AGRN: variants seen among roughly 807,000 people sequenced by gnomAD.
The protein encoded by AGRN is agrin proteoglycan.
A neutral mutation model predicts 211.0 loss-of-function variants in AGRN; 106 were observed. The ratio of observed to expected loss-of-function variants is 0.50; its 90% CI spans 0.43 to 0.59. The LOEUF is 0.59. Ranked by LOEUF, AGRN falls within the 20% of genes least tolerant of loss-of-function variation. The pLI is 0.00. For missense variants in AGRN, 3,040 were observed against 2,982.6 expected (o/e 1.02, Z -0.45); for synonymous variants, 1,525 against 1,332.5 (o/e 1.14, Z -3.15).
chr1:1,047,247 C>G, intron 19 of AGRN, 80 bp from the exon 20 acceptor site: 1 of 1,528,556 alleles, frequency 6.5e-7, no homozygotes, highest in South Asian at 1.3e-5. Flanking sequence ...ACCCTTGTGG[C>G]TTGCTGCTGG....
intron 7 of AGRN, 58 bp downstream of exon 7, chr1:1,042,220 C>T (rs1346668194): frequency 3.3e-6 from 5 of 1,524,520 alleles, no homozygotes; most frequent in Middle Eastern, 1.8e-4. Context: ...CAGTCCCTGC[C>T]TGGACATCAC....
chr1:1,036,449 G>A (rs542476199), intron 3 of AGRN, among the ~76,000 whole-genome samples: 4 of 152,168 alleles, frequency 2.6e-5, no homozygotes, highest in East Asian at 1.9e-4. Flanking sequence ...CTGCTTCCTC[G>A]ACCGCCTGCC....
rs112285003 is a variant in AGRN at position 1,048,636 on chromosome 1, G to A, written c.4106-231G>A. 0.02 allele frequency: 11,890 copies of A among 606,968 alleles called. 997 individuals carry two copies. The highest frequency in any genetic ancestry group is 0.19 in the African/African-American group (10,135 of 52,540). 37.6% of individuals were successfully genotyped at this position (606,968 alleles called of 1,614,324 possible). On this transcript the variant is annotated intron_variant, in intron 23 of 35. Transcript: ENST00000379370. The surrounding 1 kb of genome is among the most constrained non-coding windows in gnomAD (Gnocchi z 5.9). The stretch of plus-strand genomic sequence containing the variant: ...AAATACAAAATTAGCCGGGCGTGGT[G>A]GTGGGCGCCTGTAATCCCACCTCGT...
chr1:1,024,372 C>G (rs547449399), intron 2 of AGRN, among the ~76,000 whole-genome samples: 1 of 152,014 alleles, frequency 6.6e-6, no homozygotes. Context: ...TTGAACCCCA[C>G]CCTGGGCCCT....
At chr1:1,036,213 G>C (rs1182751708) in intron 3 of AGRN, among the ~76,000 whole-genome samples, 1 of 152,218 alleles carries the variant, frequency 6.6e-6, no homozygotes, top group Non-Finnish European at 1.5e-5. Flanking sequence ...GCCCTGGGCT[G>C]GATAGATCGT....
At chr1:1,046,360 C>A (rs758812173) in intron 17 of AGRN, 37 bp from the exon 18 acceptor site, 1 of 1,603,420 alleles carries the variant, frequency 6.2e-7, no homozygotes, top group Admixed American at 1.7e-5. Flanking sequence ...TGACCCTGTC[C>A]CAACCGGTCC....
chr1:1,028,587 C>T (rs1644576312), intron 2 of AGRN, among the ~76,000 whole-genome samples: 1 of 127,258 alleles, frequency 7.9e-6, no homozygotes, highest in Non-Finnish European at 1.7e-5. Context: ...CGAGCCCCAG[C>T]CCCTCGTGGG....
chr1:1,050,844 G>A lies in AGRN; in HGVS notation c.5253+7G>A, dbSNP rs767071621. The A allele has an allele frequency of 3.2e-6, 5 of 1,552,532 alleles. No individual in the cohort carries two copies. The East Asian group carries it at 9.5e-5, about 30-fold the overall frequency. On this transcript the variant is annotated splice_region_variant and intron_variant, in intron 30 of 35. Coordinates refer to ENST00000379370, the MANE Select transcript of AGRN (RefSeq NM_198576.4). The stretch of plus-strand genomic sequence containing the variant: ...TGTGTTGGGGGAGTCCCCGGTGAGT[G>A]CTCTGGGCCGCGAGGGGACTCCCGC...
chr1:1,049,120 G>T (rs1373974688), intron 24 of AGRN, 61 bp downstream of exon 24: 5 of 915,334 alleles, frequency 5.5e-6, no homozygotes, highest in Non-Finnish European at 4.4e-6. Context: ...ACGGGCGGGG[G>T]AGGGGGGGCC....
rs1645401018 is a variant in AGRN at position 1,054,571 on chromosome 1, T to G, written c.5980+20T>G. On this transcript the variant is annotated intron_variant, in intron 35 of 35. Transcript: ENST00000379370. ...GGCTTGGTGAGTGTTTTGGGGAGAC[T>G]AGAGAGGGATGCCCAAGGGTCTCAT... 5 of 1,569,390 alleles carry G rather than the reference T, an allele frequency of 3.2e-6. No homozygotes were observed. The highest frequency in any genetic ancestry group is 4.3e-6 in the Non-Finnish European group (5 of 1,157,930).
At position 1,047,342 on chromosome 1, in the gene AGRN, A is replaced by G. The variant is rs142416636; in HGVS notation, c.3404A>G (p.Gln1135Arg). The change falls in exon 20 of 36, where the codon CAG becomes CGG. Residue 1135 changes from glutamine (Q) to arginine (R), a missense_variant. Around this residue, in one of 3 missense-constraint regions of AGRN, gnomAD observed 1,537 missense variants for 1,505.0 expected, o/e 1.02. Coordinates refer to ENST00000379370, the MANE Select transcript of AGRN (RefSeq NM_198576.4). Reference sequence around the variant, plus strand: ...TCCCCCACAGCCACCAAGGTGTTCCAGGGCGTCCTGGAGCTGGAGGGCGTC... The same window carrying G: ...TCCCCCACAGCCACCAAGGTGTTCCGGGGCGTCCTGGAGCTGGAGGGCGTC... Reference protein sequence around the residue: ...GSNCPATKVFQGVLELEGVEG... With the variant: ...GSNCPATKVFRGVLELEGVEG... The G allele has an allele frequency of 9.6e-3, 15,375 of 1,605,086 alleles. 281 individuals carry two copies. The highest frequency in any genetic ancestry group is 0.057 in the South Asian group (5,101 of 89,874).
intron 33 of AGRN, 182 bp from the exon 34 acceptor site, chr1:1,053,571 G>A (rs537192676): frequency 4.6e-6 from 7 of 1,518,796 alleles, no homozygotes; most frequent in Non-Finnish European, 8.8e-7. Flanking sequence ...ATCTCTCTCT[G>A]CCAGGCTGCC....
At chr1:1,053,356 G>A in intron 33 of AGRN, 2 of 1,065,054 alleles carry the variant, frequency 1.9e-6, no homozygotes, top group Non-Finnish European at 1.2e-6. Flanking sequence ...GGTCACGCAT[G>A]TCTTCTGTGG....
In AGRN at chr1:1,046,314, C is replaced by T. The variant is rs778570690; in HGVS notation, c.2911+49C>T. 3.4e-5 allele frequency: 55 copies of T among 1,611,248 alleles called. No homozygotes were observed. The South Asian group carries it at 3.6e-4, about 11-fold the overall frequency. ...CAGAACTGACCAGGAAGGCCTGACGCTGCCCTAAATCCAGCCCCACCCGCC... is the reference window on the plus strand; with the variant it reads ...CAGAACTGACCAGGAAGGCCTGACGTTGCCCTAAATCCAGCCCCACCCGCC... On this transcript the variant is annotated intron_variant, in intron 17 of 35. Transcript: ENST00000379370.
At chr1:1,021,706 C>G (rs972305660) in intron 1 of AGRN, among the ~76,000 whole-genome samples, 10 of 152,254 alleles carry the variant, frequency 6.6e-5, no homozygotes, top group Non-Finnish European at 1.3e-4. Context: ...TCGTGGTTCA[C>G]AGGCTGCCCT....
chr1:1,050,891 G>C (rs1026162317), intron 30 of AGRN, 54 bp downstream of exon 30: 2 of 1,520,844 alleles, frequency 1.3e-6, no homozygotes, highest in Non-Finnish European at 1.8e-6. Context: ...CTTCCTCCTC[G>C]GGCGGCAGCC....
At chr1:1,051,077 G>A in intron 30 of AGRN, 176 bp from the exon 31 acceptor site, 1 of 1,548,542 alleles carries the variant, frequency 6.5e-7, no homozygotes, top group East Asian at 2.4e-5. Context: ...CACCGTCTCT[G>A]GCGCCTCAAC....
intron 1 of AGRN, 41 bp downstream of exon 1, chr1:1,020,414 C>T: frequency 1.4e-6 from 2 of 1,476,280 alleles, no homozygotes; most frequent in South Asian, 1.3e-5. Flanking sequence ...GCGACGCCTG[C>T]CGCCCCGCCG....
chr1:1,052,387 G>A (rs1645322453), intron 33 of AGRN: 1 of 338,530 alleles, frequency 3.0e-6, no homozygotes, highest in Non-Finnish European at 5.8e-6. Flanking sequence ...GTGTGCATGG[G>A]TCCATGTATA....
Sources: allele counts gnomAD v4.1 joint callset (sites outside exome capture counted in the v4.1 genomes callset), GRCh38; gene constraint gnomAD v4.1.1; regional missense constraint gnomAD v4.1.1; non-coding constraint Gnocchi (gnomAD v3.1); transcripts MANE v1.5; gene names NCBI Gene and HGNC (gene_info 2026-07-23, HGNC 2026-07-21).